Variants in HS6ST3 observed in about 807,000 individuals in gnomAD.
HS6ST3 encodes heparan sulfate 6-O-sulfotransferase 3.
In HS6ST3, 12 loss-of-function variants were observed where a neutral mutation model predicts 36.7. The observed-to-expected ratio is 0.33, with a 90% CI of 0.21 to 0.53. The LOEUF (loss-of-function observed/expected upper bound fraction) is 0.53, where lower values mean the gene tolerates loss of function less well. Ranked by LOEUF, HS6ST3 falls within the 20% of genes least tolerant of loss-of-function variation. The probability of loss-of-function intolerance (pLI) is 0.95; values close to 1 mark genes in which losing one functional copy is unlikely to be tolerated. For synonymous variants in HS6ST3, 240 were observed against 257.5 expected (o/e 0.93, Z 0.65); for missense variants, 584 against 640.9 (o/e 0.91, Z 0.96).
chr13:96,173,306 C>T (rs1185667411), intron 1 of HS6ST3, among the ~76,000 whole-genome samples: 2 of 152,104 alleles, frequency 1.3e-5, no homozygotes, highest in African/African-American at 2.4e-5. Flanking sequence ...GCACCATTAG[C>T]AAAGATCCTT....
In HS6ST3 at chr13:96,839,432, C is replaced by T. The variant is rs527972897; in HGVS notation, c.*6234C>T. The T allele has an allele frequency of 3.3e-5, 5 of 152,232 alleles. No homozygotes were observed. The East Asian group carries it at 7.7e-4, about 24-fold the overall frequency. The allele number at this position is 152,232 out of a possible 1,614,324, so 9.4% of individuals were successfully genotyped here. On this transcript the variant is annotated 3_prime_UTR_variant, in exon 2 of 2. Coordinates refer to ENST00000376705, the MANE Select transcript of HS6ST3 (RefSeq NM_153456.4). ...ATGTATGAACTCAGTTACTAGGGGACTGTATTGTGACATTATCAACCTTTA... is the reference window on the plus strand; with the variant it reads ...ATGTATGAACTCAGTTACTAGGGGATTGTATTGTGACATTATCAACCTTTA...
chr13:96,724,296 G>A (rs1029636216), intron 1 of HS6ST3, among the ~76,000 whole-genome samples: 2 of 152,192 alleles, frequency 1.3e-5, no homozygotes, highest in Non-Finnish European at 2.9e-5. Context: ...GTGGAGACAA[G>A]GAGTGAACTG....
chr13:96,674,897 G>C (rs1012044850), intron 1 of HS6ST3, among the ~76,000 whole-genome samples: 1 of 152,150 alleles, frequency 6.6e-6, no homozygotes, highest in Non-Finnish European at 1.5e-5. Flanking sequence ...ATTTTTGTGA[G>C]TTTATGCCCT....
At chr13:96,327,192 C>A (rs997973712) in intron 1 of HS6ST3, among the ~76,000 whole-genome samples, 8 of 151,122 alleles carry the variant, frequency 5.3e-5, no homozygotes, top group African/African-American at 2.0e-4. Flanking sequence ...AATTAGATCC[C>A]ATTTGTCAAT....
intron 1 of HS6ST3, among the ~76,000 whole-genome samples, chr13:96,419,809 C>A (rs370884433): frequency 6.6e-6 from 1 of 152,114 alleles, no homozygotes; most frequent in African/African-American, 2.4e-5. Flanking sequence ...GTCTTCTCCT[C>A]GTGTTTGTGT....
At chr13:96,629,833 T>G (rs187397973) in intron 1 of HS6ST3, among the ~76,000 whole-genome samples, 1 of 151,510 alleles carries the variant, frequency 6.6e-6, no homozygotes, top group Admixed American at 6.6e-5. Context: ...AATGCAATGT[T>G]TTTTTTTTCC....
chr13:96,288,145 G>T (rs545962786), intron 1 of HS6ST3, among the ~76,000 whole-genome samples: 1 of 148,082 alleles, frequency 6.8e-6, no homozygotes, highest in East Asian at 2.0e-4. Flanking sequence ...AAGCCCTAAG[G>T]GTGATTTTGA....
rs1467303957 is a variant in HS6ST3, at chr13:96,658,296, T to TTTTTTTTTTTTTTC, written c.708-174192_708-174191insTTTTTTTTTTTCTT. ...TTTTTTTTTTTTTTTTTTTTTTTTT[T>TTTTTTTTTTTTTTC]TTGAGATGGCGTCTCACTCTGTTAC... On this transcript the variant is annotated intron_variant, in intron 1 of 1. Transcript: ENST00000376705. 2.8e-3 allele frequency among the ~76,000 whole-genome samples: 241 copies of TTTTTTTTTTTTTTC among 87,404 alleles called. 11 individuals are homozygous for TTTTTTTTTTTTTTC. Among genetic ancestry groups the TTTTTTTTTTTTTTC allele is most frequent in the Middle Eastern group, 6.1e-3 (1 of 164 alleles). 57.3% of individuals were successfully genotyped at this position (87,404 alleles called of 152,430 possible).
intron 1 of HS6ST3, among the ~76,000 whole-genome samples, chr13:96,168,352 T>G (rs1337113661): frequency 6.6e-6 from 1 of 152,220 alleles, no homozygotes; most frequent in Non-Finnish European, 1.5e-5. Flanking sequence ...TTAAAATTAC[T>G]ATTTTACTTT....
At chr13:96,585,448 C>T (rs1341828232) in intron 1 of HS6ST3, among the ~76,000 whole-genome samples, 1 of 152,048 alleles carries the variant, frequency 6.6e-6, no homozygotes, top group Non-Finnish European at 1.5e-5. Context: ...ATTAACATAT[C>T]CATTATCTTA....
At chr13:96,175,745 C>T (rs1251029410) in intron 1 of HS6ST3, among the ~76,000 whole-genome samples, 2 of 149,874 alleles carry the variant, frequency 1.3e-5, no homozygotes, top group Non-Finnish European at 3.0e-5. Context: ...TTACTTCTCA[C>T]ATCTTCAAAG....
At chr13:96,509,059 A>C (rs914776936) in intron 1 of HS6ST3, among the ~76,000 whole-genome samples, 2 of 151,980 alleles carry the variant, frequency 1.3e-5, no homozygotes, top group Non-Finnish European at 2.9e-5. Flanking sequence ...GCAGGAGTAA[A>C]GTGGTATCTC....
At position 96,767,913 on chromosome 13, in the gene HS6ST3, T is replaced by C. The variant is rs575733495; in HGVS notation, c.708-64577T>C. ...CCTCAATCAAGCCTAGCTAAGAACCTGGGTCTTTGGAAGGAGCTAATATTA... is the reference window on the plus strand; with the variant it reads ...CCTCAATCAAGCCTAGCTAAGAACCCGGGTCTTTGGAAGGAGCTAATATTA... On this transcript the variant is annotated intron_variant, in intron 1 of 1. Coordinates refer to ENST00000376705, the MANE Select transcript of HS6ST3 (RefSeq NM_153456.4). 2.6e-5 allele frequency among the ~76,000 whole-genome samples: 4 copies of C among 152,304 alleles called. No individual in the cohort carries two copies. The South Asian group carries it at 8.3e-4, about 32-fold the overall frequency.
chr13:96,830,839 T>C (rs1047142081), intron 1 of HS6ST3, among the ~76,000 whole-genome samples: 3 of 152,336 alleles, frequency 2.0e-5, no homozygotes, highest in Middle Eastern at 6.8e-3. Flanking sequence ...TTTCTGGAGC[T>C]GGCCCCCCTC....
intron 1 of HS6ST3, among the ~76,000 whole-genome samples, chr13:96,353,840 G>C (rs1254669849): frequency 6.6e-6 from 1 of 152,136 alleles, no homozygotes; most frequent in African/African-American, 2.4e-5. Context: ...CATACAAAAA[G>C]TACTCAGCTT....
At chr13:96,750,649 A>G (rs1876678601) in intron 1 of HS6ST3, among the ~76,000 whole-genome samples, 4 of 152,200 alleles carry the variant, frequency 2.6e-5, no homozygotes, top group Admixed American at 6.6e-5. Context: ...TTAGACTCAT[A>G]TATAAGTCTG....
intron 1 of HS6ST3, among the ~76,000 whole-genome samples, chr13:96,575,749 G>A (rs768794927): frequency 7.2e-5 from 11 of 152,126 alleles, no homozygotes; most frequent in Non-Finnish European, 1.3e-4. Context: ...CCATGTTTCT[G>A]TCAGCAAGTT....
At chr13:96,700,478 C>T (rs1315782482) in intron 1 of HS6ST3, among the ~76,000 whole-genome samples, 1 of 152,118 alleles carries the variant, frequency 6.6e-6, no homozygotes, top group Non-Finnish European at 1.5e-5. Context: ...TTGCTCAGGA[C>T]CTGAGCATTT....
chr13:96,191,027 TC>T (rs1335715657), intron 1 of HS6ST3, among the ~76,000 whole-genome samples: 1 of 152,190 alleles, frequency 6.6e-6, no homozygotes, highest in Non-Finnish European at 1.5e-5. Context: ...TGTGGCTCCA[TC>T]ATCAAGCCAG....
Sources: allele counts gnomAD v4.1 joint callset (sites outside exome capture counted in the v4.1 genomes callset), GRCh38; gene constraint gnomAD v4.1.1; transcripts MANE v1.5; gene names NCBI Gene and HGNC (gene_info 2026-07-23, HGNC 2026-07-21).